RPE65: variants seen among roughly 807,000 people sequenced by gnomAD.
RPE65 encodes the protein retinoid isomerohydrolase.
Under a neutral mutation model 68.5 loss-of-function variants are expected in RPE65, and 58 were observed. The ratio of observed to expected loss-of-function variants is 0.85; its 90% CI spans 0.69 to 1.05. The LOEUF (loss-of-function observed/expected upper bound fraction) is 1.05. RPE65 is among the 50% of genes least tolerant of loss of function. The probability of loss-of-function intolerance (pLI) is 0.00; values close to 1 mark genes in which losing one functional copy is unlikely to be tolerated. For missense variants in RPE65, 643 were observed against 629.9 expected, an observed-to-expected ratio of 1.02 and a Z score of -0.22; for synonymous variants, 220 against 222.2, an observed-to-expected ratio of 0.99 and a Z score of 0.09.
chr1:68,441,025 CCAG>C (rs1420092645), intron 5 of RPE65, 25 bp from the exon 6 acceptor site: 1 of 1,613,172 alleles, frequency 6.2e-7, no homozygotes, highest in South Asian at 1.1e-5. Context: ...TGAATGTCCT[CCAG>C]TTGAGAGAAG....
In RPE65 at chr1:68,449,345, G is replaced by A. The variant is rs184906223; in HGVS notation, c.11+550C>T. Among the ~76,000 whole-genome samples the A allele has an allele frequency of 1.6e-3, 245 of 152,136 alleles. 1 individual carries two copies. The highest frequency in any genetic ancestry group is 2.8e-3 in the Non-Finnish European group (189 of 68,004). ...CATCATAGTCAGACCAGGAGATTCAGGTTCTATATTTTTGTTTACTTTCTA... is the reference window on the plus strand; with the variant it reads ...CATCATAGTCAGACCAGGAGATTCAAGTTCTATATTTTTGTTTACTTTCTA... On this transcript the variant is annotated intron_variant, in intron 1 of 13. Coordinates refer to ENST00000262340, the MANE Select transcript of RPE65 (RefSeq NM_000329.3).
At chr1:68,448,538 T>C in intron 2 of RPE65, 86 bp downstream of exon 2, 2 of 1,242,022 alleles carry the variant, frequency 1.6e-6, no homozygotes, top group African/African-American at 1.5e-5. Flanking sequence ...ACAGGGGGAG[T>C]CTGCACTGAG....
At chr1:68,444,094 T>C (rs1430787416) in intron 5 of RPE65, among the ~76,000 whole-genome samples, 1 of 152,216 alleles carries the variant, frequency 6.6e-6, no homozygotes, top group Non-Finnish European at 1.5e-5. Flanking sequence ...AGGGACCATG[T>C]TACCCTACTC....
In RPE65 at chr1:68,429,942, T is replaced by A; in HGVS notation, c.1451-15A>T. The A allele has an allele frequency of 6.2e-7, 1 of 1,613,492 alleles. No homozygotes were observed. The highest frequency in any genetic ancestry group is 8.5e-7 in the Non-Finnish European group (1 of 1,179,638). ...CAGAACTACACCTGTTTATCAGAAG[T>A]AAATTAGGCAATATTGAGTTTTTAA... On this transcript the variant is annotated splice_polypyrimidine_tract_variant and intron_variant, in intron 13 of 13. Transcript: ENST00000262340.
At chr1:68,433,180 A>G (rs1436449620) in intron 10 of RPE65, among the ~76,000 whole-genome samples, 8 of 152,220 alleles carry the variant, frequency 5.3e-5, no homozygotes, top group African/African-American at 1.9e-4. Flanking sequence ...CTAAAAATGT[A>G]AATGAATAAG....
Position 68,431,303 on chromosome 1 carries a change from C to T in RPE65, c.1317G>A (p.Leu439=). The T allele has an allele frequency of 6.2e-7, 1 of 1,613,950 alleles. No homozygotes were observed. Among genetic ancestry groups the T allele is most frequent in the Non-Finnish European group, 8.5e-7 (1 of 1,179,928 alleles). Reference sequence around the variant, plus strand: ...TTACCCTATCTGGAACAAAGTGATTCAAGCCAAGTCCATACGCATATGTGT... The same window carrying T: ...TTACCCTATCTGGAACAAAGTGATTTAAGCCAAGTCCATACGCATATGTGT... ...KPYTYAYGLG[L]NHFVPDRLCK... is the part of the protein sequence containing the mutation. Residue 439 remains leucine (L), a synonymous_variant, in exon 12 of 14, where the codon TTG becomes TTA. Coordinates refer to ENST00000262340, the MANE Select transcript of RPE65 (RefSeq NM_000329.3).
chr1:68,437,706 A>G (rs1645871345), intron 10 of RPE65, among the ~76,000 whole-genome samples: 1 of 152,224 alleles, frequency 6.6e-6, no homozygotes, highest in Non-Finnish European at 1.5e-5. Context: ...TAAAGAGATG[A>G]CTGTCTATTG....
At chr1:68,430,021 G>A in intron 13 of RPE65, 94 bp from the exon 14 acceptor site, 1 of 1,490,040 alleles carries the variant, frequency 6.7e-7, no homozygotes, top group East Asian at 2.4e-5. Flanking sequence ...GTATTACATT[G>A]ACAAATATAG....
chr1:68,430,188 CTA>C (rs1645816083), intron 13 of RPE65, among the ~76,000 whole-genome samples: 1 of 152,110 alleles, frequency 6.6e-6, no homozygotes, highest in East Asian at 1.9e-4. Flanking sequence ...TCTCAATATT[CTA>C]TGACAATGAC....
In RPE65 at chr1:68,429,942, T is replaced by C. The variant is rs1645814502; in HGVS notation, c.1451-15A>G. On this transcript the variant is annotated splice_polypyrimidine_tract_variant and intron_variant, in intron 13 of 13. Transcript: ENST00000262340. ...CAGAACTACACCTGTTTATCAGAAG[T>C]AAATTAGGCAATATTGAGTTTTTAA... 4 of 1,613,492 alleles carry C rather than the reference T, an allele frequency of 2.5e-6. No homozygotes were observed. The South Asian group carries it at 4.4e-5, about 18-fold the overall frequency.
In RPE65 at chr1:68,438,224, T is replaced by A; in HGVS notation, c.1091A>T (p.Glu364Val). 1 of 1,613,994 alleles carries A rather than the reference T, an allele frequency of 6.2e-7. No individual in the cohort carries two copies. The highest frequency in any genetic ancestry group is 8.5e-7 in the Non-Finnish European group (1 of 1,179,956). ...KKNARKAPQPEVRRYVLPLNI... is the reference protein window; with the variant it reads ...KKNARKAPQPVVRRYVLPLNI... ...CAAAGGAAGTACATATCTCCTAACT[T>A]CAGGTTGGGGAGCCTTTCTGGCATT... The change falls in exon 10 of 14, where the codon GAA becomes GTA. Residue 364 changes from glutamate (E) to valine (V), a missense_variant. Coordinates refer to ENST00000262340, the MANE Select transcript of RPE65 (RefSeq NM_000329.3).
intron 10 of RPE65, among the ~76,000 whole-genome samples, chr1:68,432,903 C>A (rs1253240288): frequency 6.6e-6 from 1 of 152,072 alleles, no homozygotes; most frequent in East Asian, 1.9e-4. Flanking sequence ...AAGTGGAGGA[C>A]AGAGTCAAGA....
intron 13 of RPE65, among the ~76,000 whole-genome samples, chr1:68,430,335 T>C (rs1206412630): frequency 6.6e-6 from 1 of 152,238 alleles, no homozygotes; most frequent in African/African-American, 2.4e-5. Flanking sequence ...ATTAAAAGAC[T>C]TTGAAAGCAG....
intron 13 of RPE65, among the ~76,000 whole-genome samples, chr1:68,430,515 A>G (rs960617228): frequency 1.3e-5 from 2 of 152,162 alleles, no homozygotes; most frequent in Non-Finnish European, 2.9e-5. Flanking sequence ...TTTTAATCCC[A>G]TAGAGTGTAA....
At chr1:68,447,502 C>A (rs1235785959) in intron 2 of RPE65, among the ~76,000 whole-genome samples, 1 of 152,158 alleles carries the variant, frequency 6.6e-6, no homozygotes, top group African/African-American at 2.4e-5. Context: ...TTCTCATCTG[C>A]AAAATGTGGG....
At chr1:68,432,151 A>G (rs1645831677) in intron 10 of RPE65, among the ~76,000 whole-genome samples, 1 of 151,818 alleles carries the variant, frequency 6.6e-6, no homozygotes, top group African/African-American at 2.4e-5. Flanking sequence ...ATGAAATACC[A>G]TGAGATTTTT....
At chr1:68,436,131 T>G (rs1318287307) in intron 10 of RPE65, among the ~76,000 whole-genome samples, 7 of 152,224 alleles carry the variant, frequency 4.6e-5, no homozygotes. Context: ...TGATCCTCTT[T>G]TATTTCCTTA....
intron 10 of RPE65, among the ~76,000 whole-genome samples, chr1:68,435,243 CAT>C (rs752099926): frequency 4.0e-5 from 6 of 151,880 alleles, no homozygotes; most frequent in South Asian, 2.1e-4. Context: ...ATTTTCTACA[CAT>C]GTTTATTTTC....
intron 6 of RPE65, 116 bp downstream of exon 6, chr1:68,440,737 G>C: frequency 7.5e-7 from 1 of 1,339,054 alleles, no homozygotes; most frequent in Non-Finnish European, 1.1e-6. Context: ...TGAAGTCTGA[G>C]AGTAATTTAA....
Sources: allele counts gnomAD v4.1 joint callset (sites outside exome capture counted in the v4.1 genomes callset), GRCh38; gene constraint gnomAD v4.1.1; transcripts MANE v1.5; gene names NCBI Gene and HGNC (gene_info 2026-07-23, HGNC 2026-07-21).